Variants in PDE4D observed in about 807,000 individuals in gnomAD.
PDE4D encodes the protein 3',5'-cyclic-AMP phosphodiesterase 4D.
In PDE4D, 24 loss-of-function variants were observed where a neutral mutation model predicts 87.4. That is an observed-to-expected ratio of 0.27 (90% confidence interval 0.20 to 0.39). PDE4D has a LOEUF of 0.39. PDE4D is among the 10% of genes least tolerant of loss of function. PDE4D has a pLI of 1.00. For missense variants in PDE4D, 714 were observed against 1,041.0 expected (o/e 0.69, Z 4.32); for synonymous variants, 384 against 383.2 (o/e 1.00, Z -0.02).
chr5:59,327,353 AG>A (rs1256863178), intron 1 of PDE4D, among the ~76,000 whole-genome samples: 6 of 152,114 alleles, frequency 3.9e-5, no homozygotes, highest in Admixed American at 6.6e-5. Context: ...CTCCAATTTT[AG>A]CTGCCTTGGC....
intron 1 of PDE4D, among the ~76,000 whole-genome samples, chr5:59,439,143 G>A (rs960914441): frequency 3.7e-4 from 56 of 152,114 alleles, no homozygotes; most frequent in African/African-American, 1.4e-3. Context: ...TGGATTACTT[G>A]AGGTCAGGAA....
intron 1 of PDE4D, among the ~76,000 whole-genome samples, chr5:59,823,560 C>T (rs1769959879): frequency 6.6e-6 from 1 of 152,098 alleles, no homozygotes; most frequent in Admixed American, 6.6e-5. Flanking sequence ...CGATTCAACA[C>T]TAGAACAGTC....
At chr5:60,311,339 G>A (rs948404284) in intron 1 of PDE4D, among the ~76,000 whole-genome samples, 6 of 152,160 alleles carry the variant, frequency 3.9e-5, no homozygotes, top group African/African-American at 1.4e-4. Flanking sequence ...CACCTTCAAA[G>A]GAAATTCCAT....
intron 1 of PDE4D, among the ~76,000 whole-genome samples, chr5:59,672,686 G>A (rs1372192515): frequency 6.6e-6 from 1 of 152,052 alleles, no homozygotes. Context: ...AAAAAGTCCA[G>A]AGTGTATCAC....
chr5:59,671,721 T>C (rs946307725), intron 1 of PDE4D, among the ~76,000 whole-genome samples: 2 of 149,990 alleles, frequency 1.3e-5, no homozygotes, highest in East Asian at 3.9e-4. Flanking sequence ...GGTGGGAGGA[T>C]CACTGGAGCC....
At chr5:59,519,497 C>T (rs1811803177) in intron 1 of PDE4D, among the ~76,000 whole-genome samples, 1 of 152,152 alleles carries the variant, frequency 6.6e-6, no homozygotes, top group African/African-American at 2.4e-5. Context: ...GGCTGTGATG[C>T]AGAACATGCT....
intron 5 of PDE4D, among the ~76,000 whole-genome samples, chr5:59,129,973 A>G (rs1776044850): frequency 2.6e-5 from 4 of 152,246 alleles, no homozygotes; most frequent in Admixed American, 2.0e-4. Flanking sequence ...GGATAATTTT[A>G]TTAATGATTT....
chr5:59,562,610 C>T (rs925292915), intron 1 of PDE4D, among the ~76,000 whole-genome samples: 2 of 152,070 alleles, frequency 1.3e-5, no homozygotes, highest in Non-Finnish European at 2.9e-5. Context: ...TATGTTTTTC[C>T]GTCTCTTTGT....
intron 1 of PDE4D, among the ~76,000 whole-genome samples, chr5:59,505,887 T>C (rs1002975125): frequency 2.0e-5 from 3 of 152,168 alleles, no homozygotes; most frequent in African/African-American, 7.2e-5. Flanking sequence ...CTGTCATAGC[T>C]CATAGATGAA....
chr5:60,226,437 A>T (rs191874393), intron 1 of PDE4D, among the ~76,000 whole-genome samples: 3 of 152,240 alleles, frequency 2.0e-5, no homozygotes, highest in Admixed American at 2.0e-4. Flanking sequence ...CCAAAGAAAA[A>T]ACCCAGTTGG....
chr5:59,864,784 C>T (rs1746776531), intron 1 of PDE4D, among the ~76,000 whole-genome samples: 1 of 152,190 alleles, frequency 6.6e-6, no homozygotes, highest in South Asian at 2.1e-4. Context: ...CAGACATGCC[C>T]TGTAGCACTT....
At chr5:59,182,534 C>T (rs1741913259) in intron 4 of PDE4D, among the ~76,000 whole-genome samples, 1 of 151,900 alleles carries the variant, frequency 6.6e-6, no homozygotes, top group African/African-American at 2.4e-5. Context: ...ATCCTGATTA[C>T]TCCTTTTTAG....
intron 1 of PDE4D, among the ~76,000 whole-genome samples, chr5:60,368,302 G>A (rs559721896): frequency 2.6e-5 from 4 of 152,308 alleles, no homozygotes; most frequent in African/African-American, 9.6e-5. Flanking sequence ...GTCTAGGAAT[G>A]CCATTGCAAC....
intron 1 of PDE4D, among the ~76,000 whole-genome samples, chr5:60,410,101 A>G (rs928000803): frequency 6.6e-6 from 1 of 152,186 alleles, no homozygotes; most frequent in Non-Finnish European, 1.5e-5. Flanking sequence ...TTTGTTCCCT[A>G]TGGCAACCTT....
chr5:59,577,426 C>T (rs1455213904), intron 1 of PDE4D, among the ~76,000 whole-genome samples: 1 of 152,072 alleles, frequency 6.6e-6, no homozygotes, highest in East Asian at 1.9e-4. Flanking sequence ...GGTTTCTCTG[C>T]ATTACCTTTA....
chr5:59,339,671 C>T (rs1335439693), intron 1 of PDE4D, among the ~76,000 whole-genome samples: 2 of 152,150 alleles, frequency 1.3e-5, no homozygotes, highest in Non-Finnish European at 2.9e-5. Context: ...GTCATGTGGG[C>T]TCAGGAGTCA....
At chr5:59,222,490 A>T (rs770438110) in intron 1 of PDE4D, among the ~76,000 whole-genome samples, 1 of 152,138 alleles carries the variant, frequency 6.6e-6, no homozygotes, top group Non-Finnish European at 1.5e-5. Context: ...TGAGGGCCTC[A>T]GTGGAGCAGC....
chr5:59,210,694 T>C (rs1336778036), intron 2 of PDE4D, among the ~76,000 whole-genome samples: 1 of 152,158 alleles, frequency 6.6e-6, no homozygotes, highest in East Asian at 1.9e-4. Context: ...CCCCACCCCA[T>C]ATTCTGTGTG....
At chr5:59,265,782 G>A (rs902641173) in intron 1 of PDE4D, among the ~76,000 whole-genome samples, 3 of 152,040 alleles carry the variant, frequency 2.0e-5, no homozygotes, top group African/African-American at 7.2e-5. Context: ...TAAGACTAAT[G>A]AGTACTGTCT....
Sources: allele counts gnomAD v4.1 joint callset (sites outside exome capture counted in the v4.1 genomes callset), GRCh38; gene constraint gnomAD v4.1.1; transcripts MANE v1.5; gene names NCBI Gene and HGNC (gene_info 2026-07-23, HGNC 2026-07-21).